The following TANC2 variants were observed in gnomAD, a reference collection of about 807,000 sequenced individuals.
TANC2 encodes tetratricopeptide repeat, ankyrin repeat and coiled-coil containing 2, also known as protein TANC2.
TANC2 carries 26 observed loss-of-function variants against 210.5 expected under a neutral mutation model. The observed-to-expected ratio is 0.12, with a 90% confidence interval of 0.09 to 0.17. The LOEUF is 0.17. Among genes scored for constraint, TANC2 ranks in the 10% least tolerant of loss-of-function variants. TANC2 has a pLI of 1.00. For synonymous variants in TANC2, 931 were observed against 967.1 expected (o/e 0.96, Z 0.69); for missense variants, 2,129 against 2,608.9 (o/e 0.82, Z 4.01).
At chr17:63,164,647 A>G (rs377345147) in intron 5 of TANC2, among the ~76,000 whole-genome samples, 3 of 152,268 alleles carry the variant, frequency 2.0e-5, no homozygotes, top group Non-Finnish European at 2.9e-5. Flanking sequence ...AGCTGGTGGT[A>G]TAGTAATCCA....
chr17:63,333,832 G>A (rs536700680), intron 11 of TANC2, among the ~76,000 whole-genome samples: 13 of 152,110 alleles, frequency 8.5e-5, no homozygotes, highest in Non-Finnish European at 1.8e-4. Context: ...AACATCGAGG[G>A]AAGACCCCCC....
At position 63,372,553 on chromosome 17, in the gene TANC2, T is replaced by C. The variant is rs191758644; in HGVS notation, c.2583-7165T>C. Among the ~76,000 whole-genome samples the C allele has an allele frequency of 7.9e-4, 120 of 152,284 alleles. 1 individual carries two copies. The highest frequency in any genetic ancestry group is 2.8e-3 in the African/African-American group (118 of 41,562). On this transcript the variant is annotated intron_variant, in intron 14 of 27. Transcript: ENST00000689528. ...TACTCTGAAGAATATAAAAGAAATA[T>C]AAAATAAAATGCATTCGCTTAATAT...
At chr17:63,411,044 C>T (rs1158855791) in intron 21 of TANC2, among the ~76,000 whole-genome samples, 1 of 151,692 alleles carries the variant, frequency 6.6e-6, no homozygotes, top group Non-Finnish European at 1.5e-5. Context: ...GGAGATAGTT[C>T]CTAGAGAATG....
chr17:63,012,463 C>T (rs1331155827), intron 2 of TANC2, among the ~76,000 whole-genome samples: 2 of 152,158 alleles, frequency 1.3e-5, no homozygotes, highest in East Asian at 3.9e-4. Context: ...TGTTTACCCT[C>T]TTCTTGGACA....
chr17:63,164,129 C>CTTTTT (rs529912657), intron 5 of TANC2, among the ~76,000 whole-genome samples: 6 of 126,800 alleles, frequency 4.7e-5, no homozygotes, highest in Admixed American at 8.2e-5. Flanking sequence ...GCATCAGCAG[C>CTTTTT]TTTTTTTTTT....
At chr17:63,260,674 A>G (rs1234047686) in intron 8 of TANC2, among the ~76,000 whole-genome samples, 1 of 151,994 alleles carries the variant, frequency 6.6e-6, no homozygotes, top group Admixed American at 6.6e-5. Context: ...CTAAGGTAGA[A>G]TCGCTTGAAC....
chr17:63,331,800 C>T (rs2045852671), intron 11 of TANC2, among the ~76,000 whole-genome samples: 1 of 151,042 alleles, frequency 6.6e-6, no homozygotes, highest in Non-Finnish European at 1.5e-5. Context: ...GTGAAAACGC[C>T]AAGAATGAAG....
chr17:63,275,550 A>G (rs781123033), intron 9 of TANC2, among the ~76,000 whole-genome samples: 4 of 152,188 alleles, frequency 2.6e-5, no homozygotes, highest in Admixed American at 6.6e-5. Context: ...ACATTAGCCT[A>G]CTGAGTCACA....
intron 7 of TANC2, among the ~76,000 whole-genome samples, chr17:63,220,531 G>A (rs2927291): frequency 0.6 from 89,770 of 150,152 alleles, 29,294 homozygotes; most frequent in African/African-American, 0.86. Flanking sequence ...GTGAAACCCC[G>A]TCTCTACTAA....
At chr17:63,139,307 G>A (rs1370624527) in intron 4 of TANC2, among the ~76,000 whole-genome samples, 1 of 152,088 alleles carries the variant, frequency 6.6e-6, no homozygotes, top group African/African-American at 2.4e-5. Flanking sequence ...GACAGAAAAT[G>A]GAGAATTAAG....
At chr17:63,091,098 T>A (rs2144808192) in intron 3 of TANC2, among the ~76,000 whole-genome samples, 1 of 152,104 alleles carries the variant, frequency 6.6e-6, no homozygotes, top group Middle Eastern at 3.4e-3. Context: ...TCTTTGTAGA[T>A]TCTGGATATT....
rs1486433120 is a variant in TANC2, at chr17:63,389,419, GCC to G, written c.2928_2929del (p.Leu977AlafsTer13). Reference sequence around the variant, plus strand: ...CCATCTTGGTTACACAGAAATGGTAGCCCTGCTGCTGGAGTTCGGGGCCAACG... The same window carrying G: ...CCATCTTGGTTACACAGAAATGGTAGCTGCTGCTGGAGTTCGGGGCCAACG... On this transcript the variant is annotated frameshift_variant, in exon 17 of 28. Transcript: ENST00000689528. LOFTEE classifies it high-confidence loss of function. 6.2e-7 allele frequency: 1 copy of G among 1,614,002 alleles called. No homozygotes were observed. Among genetic ancestry groups the G allele is most frequent in the Non-Finnish European group, 8.5e-7 (1 of 1,179,886 alleles).
intron 8 of TANC2, among the ~76,000 whole-genome samples, chr17:63,259,951 T>C (rs576138427): frequency 6.6e-6 from 1 of 152,328 alleles, no homozygotes; most frequent in African/African-American, 2.4e-5. Flanking sequence ...GCAGAAAATA[T>C]TTCAAGCGCA....
chr17:63,247,512 A>G (rs1428293502), intron 8 of TANC2, among the ~76,000 whole-genome samples: 1 of 151,856 alleles, frequency 6.6e-6, no homozygotes, highest in African/African-American at 2.4e-5. Context: ...AAACAATTAC[A>G]TCATCCTAAA....
chr17:63,017,101 T>C (rs2034143138), intron 2 of TANC2, among the ~76,000 whole-genome samples: 1 of 152,196 alleles, frequency 6.6e-6, no homozygotes. Flanking sequence ...GAGTAAGTAT[T>C]TGCATGTGGT....
At chr17:63,415,482 G>C (rs367666081) in intron 25 of TANC2, 46 bp from the exon 26 acceptor site, 32 of 1,606,090 alleles carry the variant, frequency 2.0e-5, no homozygotes, top group African/African-American at 4.0e-5. Context: ...TTCCTCAGCT[G>C]TTCAGCAGAC....
chr17:63,361,351 A>G (rs1252306278), intron 14 of TANC2, among the ~76,000 whole-genome samples: 2 of 152,162 alleles, frequency 1.3e-5, no homozygotes, highest in Non-Finnish European at 2.9e-5. Context: ...ACACCTCCCA[A>G]GGGTGAGCCA....
At chr17:63,180,751 A>G (rs1340518311) in intron 5 of TANC2, among the ~76,000 whole-genome samples, 1 of 152,276 alleles carries the variant, frequency 6.6e-6, no homozygotes, top group East Asian at 1.9e-4. Flanking sequence ...AAGGCCTGGC[A>G]TGGTGGCTCA....
At chr17:63,181,571 T>C (rs1256366846) in intron 5 of TANC2, among the ~76,000 whole-genome samples, 1 of 152,238 alleles carries the variant, frequency 6.6e-6, no homozygotes, top group African/African-American at 2.4e-5. Context: ...TCAAGGTCTT[T>C]TGTTCATTGC....
Sources: allele counts gnomAD v4.1 joint callset (sites outside exome capture counted in the v4.1 genomes callset), GRCh38; gene constraint gnomAD v4.1.1; transcripts MANE v1.5; gene names NCBI Gene and HGNC (gene_info 2026-07-23, HGNC 2026-07-21).